GALNTL6: variants seen among roughly 807,000 people sequenced by gnomAD.
GALNTL6 encodes the protein polypeptide N-acetylgalactosaminyltransferase like 6, also known as polypeptide N-acetylgalactosaminyltransferase-like 6.
GALNTL6 carries 46 observed loss-of-function variants against 73.7 expected under a neutral mutation model. That is an observed-to-expected ratio of 0.62 (90% CI 0.49 to 0.80). The LOEUF (loss-of-function observed/expected upper bound fraction) is 0.80. Among genes scored for constraint, GALNTL6 ranks in the 30% least tolerant of loss-of-function variants. The pLI, the probability that GALNTL6 is intolerant of heterozygous loss-of-function variation, is 0.00. For synonymous variants in GALNTL6, 259 were observed against 263.7 expected, an observed-to-expected ratio of 0.98 and a Z score of 0.17; for missense variants, 604 against 755.0, an observed-to-expected ratio of 0.80 and a Z score of 2.34.
chr4:172,741,236 G>A (rs1192166929), intron 5 of GALNTL6, among the ~76,000 whole-genome samples: 1 of 152,042 alleles, frequency 6.6e-6, no homozygotes, highest in Non-Finnish European at 1.5e-5. Flanking sequence ...TCATACCTTG[G>A]GGGTGATGCC....
intron 5 of GALNTL6, among the ~76,000 whole-genome samples, chr4:172,700,536 A>T (rs1389115976): frequency 6.6e-6 from 1 of 152,116 alleles, no homozygotes; most frequent in Non-Finnish European, 1.5e-5. Context: ...ATTTAGACTG[A>T]GACTCCCAGA....
chr4:172,026,567 T>C (rs868461220), intron 2 of GALNTL6, among the ~76,000 whole-genome samples: 11 of 152,302 alleles, frequency 7.2e-5, no homozygotes, highest in Middle Eastern at 3.4e-3. Flanking sequence ...TCAAAACATA[T>C]ATAGTATTTC....
At chr4:172,473,161 A>G (rs1007582732) in intron 5 of GALNTL6, among the ~76,000 whole-genome samples, 19 of 152,266 alleles carry the variant, frequency 1.2e-4, no homozygotes, top group African/African-American at 4.1e-4. Flanking sequence ...GTGTGCTACC[A>G]TTGAAGGCCA....
At chr4:172,668,514 A>T (rs747369070) in intron 5 of GALNTL6, 1 of 152,186 alleles carries the variant, frequency 6.6e-6, no homozygotes, top group East Asian at 1.9e-4. Flanking sequence ...GCAAAATCAC[A>T]GTCCTTTCAT....
intron 2 of GALNTL6, among the ~76,000 whole-genome samples, chr4:171,946,960 TG>T (rs1738720513): frequency 6.6e-6 from 1 of 152,084 alleles, no homozygotes; most frequent in Non-Finnish European, 1.5e-5. Context: ...GAAAATGTCT[TG>T]TTTCTATTTA....
At chr4:172,138,150 TTA>T (rs1733685096) in intron 2 of GALNTL6, among the ~76,000 whole-genome samples, 1 of 151,946 alleles carries the variant, frequency 6.6e-6, no homozygotes, top group Non-Finnish European at 1.5e-5. Context: ...ATGAACGGAA[TTA>T]TGATTGGTTG....
intron 5 of GALNTL6, among the ~76,000 whole-genome samples, chr4:172,470,579 C>A (rs1313195305): frequency 1.3e-5 from 2 of 152,142 alleles, no homozygotes; most frequent in Admixed American, 1.3e-4. Context: ...AGTATATTGT[C>A]TTAATTTTCA....
intron 5 of GALNTL6, among the ~76,000 whole-genome samples, chr4:172,467,745 A>ATTGAATTCAATAAGCC (rs1732875386): frequency 6.6e-6 from 1 of 152,122 alleles, no homozygotes; most frequent in Non-Finnish European, 1.5e-5. Flanking sequence ...CCATCCTTGC[A>ATTGAATTCAATAAGCC]ATCAGCTTAT....
chr4:172,779,412 G>A (rs537367153), intron 5 of GALNTL6, among the ~76,000 whole-genome samples: 4 of 152,234 alleles, frequency 2.6e-5, no homozygotes, highest in South Asian at 2.1e-4. Context: ...CGTGCTTATC[G>A]GCAGGGAGGG....
chr4:172,688,690 T>A (rs1371088594), intron 5 of GALNTL6, among the ~76,000 whole-genome samples: 1 of 152,174 alleles, frequency 6.6e-6, no homozygotes, highest in Non-Finnish European at 1.5e-5. Context: ...CACAACTCTG[T>A]GCAGGCCACT....
At chr4:172,323,618 C>T (rs1257398451) in intron 4 of GALNTL6, among the ~76,000 whole-genome samples, 1 of 152,110 alleles carries the variant, frequency 6.6e-6, no homozygotes, top group East Asian at 1.9e-4. Context: ...CTAAACATGT[C>T]AGATCCTTTA....
intron 12 of GALNTL6, among the ~76,000 whole-genome samples, chr4:173,036,116 T>C (rs1487605094): frequency 2.0e-5 from 3 of 152,178 alleles, no homozygotes; most frequent in Middle Eastern, 3.2e-3. Flanking sequence ...CAAGATTACA[T>C]AGCAGGACTG....
intron 5 of GALNTL6, among the ~76,000 whole-genome samples, chr4:172,396,591 C>T (rs1349287901): frequency 1.3e-5 from 2 of 152,148 alleles, no homozygotes; most frequent in Non-Finnish European, 2.9e-5. Context: ...GACCAGTTCT[C>T]AATAAAACCA....
intron 5 of GALNTL6, among the ~76,000 whole-genome samples, chr4:172,355,850 A>G (rs1274457798): frequency 6.6e-6 from 1 of 152,066 alleles, no homozygotes; most frequent in African/African-American, 2.4e-5. Context: ...ATGAAATTCC[A>G]TTTTTTGTAG....
intron 5 of GALNTL6, among the ~76,000 whole-genome samples, chr4:172,535,184 A>G (rs1735305347): frequency 6.6e-6 from 1 of 152,246 alleles, no homozygotes; most frequent in Non-Finnish European, 1.5e-5. Context: ...AAACAATAGT[A>G]TTAAAATCAA....
At chr4:172,453,348 G>A (rs556967726) in intron 5 of GALNTL6, among the ~76,000 whole-genome samples, 1 of 152,236 alleles carries the variant, frequency 6.6e-6, no homozygotes, top group South Asian at 2.1e-4. Context: ...ATTTTAAAAA[G>A]GAATGCATGG....
At chr4:172,151,332 A>G (rs539397738) in intron 2 of GALNTL6, among the ~76,000 whole-genome samples, 1 of 152,332 alleles carries the variant, frequency 6.6e-6, no homozygotes, top group South Asian at 2.1e-4. Flanking sequence ...CAAGTTTTAA[A>G]AAGATTTTTT....
At position 172,487,798 on chromosome 4, in the gene GALNTL6, CAA is replaced by C. The variant is rs376267591; in HGVS notation, c.553+139111_553+139112del. On this transcript the variant is annotated intron_variant, in intron 5 of 12. Transcript: ENST00000506823. ...AAATTGAAACAGAGAACCTATGTAA[CAA>C]ATATGATAAATACCTCTAAGGTCAC... 4.1e-4 allele frequency among the ~76,000 whole-genome samples: 62 copies of C among 152,220 alleles called. 4 individuals carry two copies. The South Asian group carries it at 5.6e-3, about 14-fold the overall frequency.
intron 5 of GALNTL6, among the ~76,000 whole-genome samples, chr4:172,535,857 A>G (rs1735329398): frequency 6.6e-6 from 1 of 152,112 alleles, no homozygotes; most frequent in African/African-American, 2.4e-5. Context: ...ATAGATTTTG[A>G]TTTATCAATG....
Sources: allele counts gnomAD v4.1 joint callset (sites outside exome capture counted in the v4.1 genomes callset), GRCh38; gene constraint gnomAD v4.1.1; transcripts MANE v1.5; gene names NCBI Gene and HGNC (gene_info 2026-07-23, HGNC 2026-07-21).